DNAJA3: variants seen among roughly 807,000 people sequenced by gnomAD.
DNAJA3 encodes the protein DnaJ heat shock protein family (Hsp40) member A3.
Under a neutral mutation model 54.9 loss-of-function variants are expected in DNAJA3, and 29 were observed. The ratio of observed to expected loss-of-function variants is 0.53; its 90% confidence interval spans 0.39 to 0.72. The LOEUF is 0.72. Ranked by LOEUF, DNAJA3 falls within the 30% of genes least tolerant of loss-of-function variation. DNAJA3 has a pLI of 0.00. For synonymous variants in DNAJA3, 302 were observed against 251.4 expected, an observed-to-expected ratio of 1.20 and a Z score of -1.90; for missense variants, 708 against 639.4, an observed-to-expected ratio of 1.11 and a Z score of -1.16.
chr16:4,447,179 C>T, intron 8 of DNAJA3, 165 bp downstream of exon 8: 1 of 740,628 alleles, frequency 1.4e-6, no homozygotes, highest in South Asian at 1.9e-5. Context: ...GAGTGTGGAC[C>T]ACAAGCCACA....
intron 8 of DNAJA3, among the ~76,000 whole-genome samples, chr16:4,448,434 C>T (rs1410157327): frequency 6.6e-6 from 1 of 152,134 alleles, no homozygotes; most frequent in Non-Finnish European, 1.5e-5. Flanking sequence ...ACCTCCGCCT[C>T]CCGGGTTCAA....
At chr16:4,453,036 A>G (rs1056447840) in intron 10 of DNAJA3, among the ~76,000 whole-genome samples, 1 of 152,206 alleles carries the variant, frequency 6.6e-6, no homozygotes, top group Non-Finnish European at 1.5e-5. Context: ...CTCATGTCCT[A>G]AGAACTTAAG....
At position 4,434,541 on chromosome 16, in the gene DNAJA3, G is replaced by C. The variant is rs562062802; in HGVS notation, c.345+24G>C. The C allele has an allele frequency of 1.3e-5, 21 of 1,604,460 alleles. No homozygotes were observed. The South Asian group carries it at 2.0e-4, about 15-fold the overall frequency. ...AGGTCTGTATGGAAGTCAGGTTTTG[G>C]TGACCAAATTGTAGTAGGAATGTTG... On this transcript the variant is annotated intron_variant, in intron 2 of 11. Transcript: ENST00000262375.
chr16:4,437,466 A>C lies in DNAJA3; in HGVS notation c.410A>C (p.Gln137Pro). 6.2e-7 allele frequency: 1 copy of C among 1,614,068 alleles called. No individual in the cohort carries two copies. The highest frequency in any genetic ancestry group is 8.5e-7 in the Non-Finnish European group (1 of 1,179,994). Residue 137 changes from glutamine to proline, a missense_variant, in exon 3 of 12, where the codon CAG (glutamine) becomes CCG (proline). Gln to Pro is a moderately conservative substitution (Grantham distance 76, BLOSUM62 -1). Transcript: ENST00000262375. ...CCCAAAGCCAAGGAGAAGTTCTCCC[A>C]GCTGGCAGAAGCCTATGAGGTAATA... ...DDPKAKEKFSQLAEAYEVLSD... is the reference protein window; with the variant it reads ...DDPKAKEKFSPLAEAYEVLSD...
intron 9 of DNAJA3, chr16:4,449,738 G>A (rs1485565517): frequency 6.6e-6 from 1 of 152,260 alleles, no homozygotes; most frequent in Non-Finnish European, 1.5e-5. Context: ...TGGGCAGAGT[G>A]CTGTGGGTAC....
At chr16:4,438,410 GATTA>G (rs1352747465) in intron 3 of DNAJA3, among the ~76,000 whole-genome samples, 1 of 152,030 alleles carries the variant, frequency 6.6e-6, no homozygotes, top group African/African-American at 2.4e-5. Flanking sequence ...TTCACAGTTG[GATTA>G]ATTAATTCAG....
chr16:4,447,210 A>G (rs28418324), intron 8 of DNAJA3, 196 bp downstream of exon 8: 7 of 603,914 alleles, frequency 1.2e-5, no homozygotes, highest in Non-Finnish European at 1.7e-5. Context: ...CTATAATCGC[A>G]TGGGAAGCAG....
rs765379196 is a variant in DNAJA3, at chr16:4,425,961, C to T, written c.80C>T (p.Ala27Val). 1.3e-6 allele frequency: 2 copies of T among 1,575,206 alleles called. No homozygotes were observed. The highest frequency in any genetic ancestry group is 1.4e-5 in the African/African-American group (1 of 73,652). ...PRLPAISGRG[A>V]RPPREGVVGA... is the part of the protein sequence containing the mutation. ...CTGCCGGCTATATCGGGTAGAGGGGCCCGGCCGCCCAGGGAGGGCGTGGTG... is the reference window on the plus strand; with the variant it reads ...CTGCCGGCTATATCGGGTAGAGGGGTCCGGCCGCCCAGGGAGGGCGTGGTG... Residue 27 changes from alanine to valine, a missense_variant, in exon 1 of 12, where the codon GCC becomes GTC. Ala to Val is a moderately conservative substitution (Grantham distance 64, BLOSUM62 0). Coordinates refer to ENST00000262375, the MANE Select transcript of DNAJA3 (RefSeq NM_005147.6).
chr16:4,437,658 A>G, intron 3 of DNAJA3, 173 bp downstream of exon 3: 1 of 592,140 alleles, frequency 1.7e-6, no homozygotes, highest in African/African-American at 1.9e-5. Context: ...CAGGCCAAGC[A>G]TGGTGGCTCA....
Position 4,442,440 on chromosome 16 carries a change from T to C in DNAJA3, c.783+20T>C. 1 of 1,567,386 alleles carries C rather than the reference T, an allele frequency of 6.4e-7. No individual in the cohort carries two copies. Among genetic ancestry groups the C allele is most frequent in the Non-Finnish European group, 8.7e-7 (1 of 1,153,814 alleles). On this transcript the variant is annotated intron_variant, in intron 5 of 11. Coordinates refer to ENST00000262375, the MANE Select transcript of DNAJA3 (RefSeq NM_005147.6). ...GGCATGGTAAGGCTCTGCCCGAGACTCCACCTCCCACGGCTTGCACCACTG... is the reference window on the plus strand; with the variant it reads ...GGCATGGTAAGGCTCTGCCCGAGACCCCACCTCCCACGGCTTGCACCACTG...
chr16:4,426,831 A>G (rs1357362484), intron 1 of DNAJA3: 1 of 152,226 alleles, frequency 6.6e-6, no homozygotes, highest in Non-Finnish European at 1.5e-5. Flanking sequence ...AAATGTCACA[A>G]GGAGGTGGAG....
intron 3 of DNAJA3, chr16:4,440,361 C>T (rs887924802): frequency 6.6e-6 from 1 of 151,592 alleles, no homozygotes; most frequent in Non-Finnish European, 1.5e-5. Flanking sequence ...GAGGCTGAGG[C>T]AGACGGATCA....
chr16:4,432,177 T>C (rs2056711487), intron 1 of DNAJA3, among the ~76,000 whole-genome samples: 1 of 149,512 alleles, frequency 6.7e-6, no homozygotes, highest in African/African-American at 2.5e-5. Flanking sequence ...TAAGTTCAAG[T>C]CTTTGATCCA....
intron 10 of DNAJA3, among the ~76,000 whole-genome samples, chr16:4,452,234 A>G (rs1248417602): frequency 6.6e-6 from 1 of 152,070 alleles, no homozygotes; most frequent in African/African-American, 2.4e-5. Flanking sequence ...TAGAGTAGCT[A>G]TTCCCCGGAA....
In DNAJA3 at chr16:4,444,735, G is replaced by A. The variant is rs757677342; in HGVS notation, c.996+7G>A. 2.5e-6 allele frequency: 4 copies of A among 1,613,052 alleles called. No homozygotes were observed. The highest frequency in any genetic ancestry group is 2.2e-5 in the East Asian group (1 of 44,876). On this transcript the variant is annotated splice_region_variant and intron_variant, in intron 7 of 11. Coordinates refer to ENST00000262375, the MANE Select transcript of DNAJA3 (RefSeq NM_005147.6). The stretch of plus-strand genomic sequence containing the variant: ...AATTTTCATTACGTTCAGGGTAGGT[G>A]CCCTGCCCCGCACAGCTTCTGTTGG...
intron 10 of DNAJA3, among the ~76,000 whole-genome samples, chr16:4,453,753 C>A (rs980774550): frequency 6.6e-6 from 1 of 152,186 alleles, no homozygotes; most frequent in South Asian, 2.1e-4. Flanking sequence ...GAGACTGGGT[C>A]TCACTCTGTT....
At chr16:4,435,943 A>G (rs941725413) in intron 2 of DNAJA3, among the ~76,000 whole-genome samples, 8 of 152,240 alleles carry the variant, frequency 5.3e-5, no homozygotes, top group South Asian at 2.1e-4. Flanking sequence ...CACCAGCAGC[A>G]TATGAGGGCC....
rs1450801419 is a variant in DNAJA3 at position 4,425,912 on chromosome 16, C to G, written c.31C>G (p.Leu11Val). 2 of 1,546,332 alleles carry G rather than the reference C, an allele frequency of 1.3e-6. No homozygotes were observed. The highest frequency in any genetic ancestry group is 1.2e-5 in the South Asian group (1 of 84,164). Reference protein sequence around the residue: MAARCSTRWLLVVVGTPRLPA... With the variant: MAARCSTRWLVVVVGTPRLPA... ...TGCGCGGTGCTCCACACGCTGGTTG[C>G]TGGTGGTTGTGGGGACCCCGCGGCT... Residue 11 changes from leucine to valine, a missense_variant, in exon 1 of 12, where the codon CTG becomes GTG. By Grantham distance (32) the Leu-to-Val change is conservative. Coordinates refer to ENST00000262375, the MANE Select transcript of DNAJA3 (RefSeq NM_005147.6).
rs573411668 is a variant in DNAJA3 at position 4,442,303 on chromosome 16, G to A, written c.666G>A (p.Lys222=). The change falls in exon 5 of 12, where the codon AAG becomes AAA. Residue 222 remains lysine, a synonymous_variant. Transcript: ENST00000262375. ...FMELTFNQAA[K]GVNKEFTVNI... is the part of the protein sequence containing the mutation. ...AGTTGACATTCAATCAAGCTGCAAA[G>A]GGGGTCAACAAGGAGTTCACCGTGA... The A allele has an allele frequency of 6.2e-7, 1 of 1,603,602 alleles. No homozygotes were observed. Among genetic ancestry groups the A allele is most frequent in the Non-Finnish European group, 8.5e-7 (1 of 1,174,394 alleles).
Sources: gnomAD v4.1 joint callset for allele counts (sites outside exome capture counted in the v4.1 genomes callset) on GRCh38, gnomAD v4.1.1 for gene constraint, MANE v1.5 for transcripts, NCBI Gene and HGNC (gene_info 2026-07-23, HGNC 2026-07-21) for gene names.